Variants in GTF2A1L observed in about 807,000 individuals in gnomAD.
GTF2A1L encodes the protein general transcription factor IIA subunit 1 like.
In GTF2A1L, 48 loss-of-function variants were observed where a neutral mutation model predicts 49.7. That is an observed-to-expected ratio of 0.97 (90% CI 0.77 to 1.23). The LOEUF is 1.23. Among genes scored for constraint, GTF2A1L ranks in the 50% most tolerant of loss-of-function variants. GTF2A1L has a pLI of 0.00. For missense variants in GTF2A1L, 736 were observed against 564.8 expected, an observed-to-expected ratio of 1.30 and a Z score of -3.07; for synonymous variants, 246 against 193.5, an observed-to-expected ratio of 1.27 and a Z score of -2.25.
chr2:48,652,983 A>G (rs1327626498), intron 6 of GTF2A1L, among the ~76,000 whole-genome samples: 1 of 152,042 alleles, frequency 6.6e-6, no homozygotes, highest in Non-Finnish European at 1.5e-5. Context: ...TAATCCCAGC[A>G]CTTTGGGAGG....
intron 3 of GTF2A1L, among the ~76,000 whole-genome samples, chr2:48,636,383 T>G (rs1676888646): frequency 6.6e-6 from 1 of 152,266 alleles, no homozygotes; most frequent in Non-Finnish European, 1.5e-5. Flanking sequence ...GCAAAGGACT[T>G]TCTTACCTTA....
intron 6 of GTF2A1L, 121 bp downstream of exon 6, chr2:48,647,163 A>G (rs940526116): frequency 5.0e-5 from 48 of 955,898 alleles, no homozygotes; most frequent in African/African-American, 3.4e-5. Context: ...TTTTTTCTTT[A>G]GAAGATTATT....
At chr2:48,653,017 C>T (rs898608674) in intron 6 of GTF2A1L, among the ~76,000 whole-genome samples, 3 of 151,760 alleles carry the variant, frequency 2.0e-5, no homozygotes, top group Admixed American at 6.6e-5. Flanking sequence ...ATCACAAGGT[C>T]AGGAGATCAA....
intron 8 of GTF2A1L, among the ~76,000 whole-genome samples, chr2:48,675,272 T>C (rs900268685): frequency 6.6e-6 from 1 of 152,174 alleles, no homozygotes; most frequent in Non-Finnish European, 1.5e-5. Context: ...CTATTACAAA[T>C]GCAGAATCCT....
intron 6 of GTF2A1L, among the ~76,000 whole-genome samples, chr2:48,652,444 C>T (rs1324541801): frequency 2.0e-5 from 3 of 151,728 alleles, no homozygotes; most frequent in Non-Finnish European, 2.9e-5. Context: ...GGTGAAAACT[C>T]GTCTCTACTA....
chr2:48,643,433 C>T (rs1677313872), intron 4 of GTF2A1L, among the ~76,000 whole-genome samples: 1 of 152,102 alleles, frequency 6.6e-6, no homozygotes, highest in South Asian at 2.1e-4. Flanking sequence ...CTAGTTATTT[C>T]CATTTCTTCA....
intron 6 of GTF2A1L, among the ~76,000 whole-genome samples, chr2:48,668,867 C>A (rs906247033): frequency 1.4e-5 from 2 of 143,778 alleles, no homozygotes; most frequent in African/African-American, 5.8e-5. Context: ...TAAATAAATA[C>A]ACAAATAAAT....
At chr2:48,653,960 C>T (rs1384541187) in intron 6 of GTF2A1L, among the ~76,000 whole-genome samples, 1 of 131,598 alleles carries the variant, frequency 7.6e-6, no homozygotes, top group Non-Finnish European at 1.6e-5. Context: ...GCCCCGAAAA[C>T]ATTTATATGT....
At chr2:48,648,703 C>G (rs543156668) in intron 6 of GTF2A1L, among the ~76,000 whole-genome samples, 1 of 152,068 alleles carries the variant, frequency 6.6e-6, no homozygotes, top group Non-Finnish European at 1.5e-5. Flanking sequence ...AAGCTTCTGG[C>G]ACCATAGTAA....
At chr2:48,640,284 A>G (rs983814883) in intron 3 of GTF2A1L, among the ~76,000 whole-genome samples, 2 of 152,244 alleles carry the variant, frequency 1.3e-5, no homozygotes, top group African/African-American at 4.8e-5. Context: ...AAGACAGGGA[A>G]TCAACCTAAA....
intron 1 of GTF2A1L, among the ~76,000 whole-genome samples, 192 bp from the exon 2 acceptor site, chr2:48,620,659 C>T (rs1021095483): frequency 1.6e-4 from 25 of 152,132 alleles, no homozygotes; most frequent in African/African-American, 5.6e-4. Flanking sequence ...CACCTGTAAT[C>T]GCACCTACTC....
At position 48,646,917 on chromosome 2, in the gene GTF2A1L, G is replaced by A. The variant is rs767424757; in HGVS notation, c.853G>A (p.Gly285Arg). The change falls in exon 6 of 9, where the codon GGG (glycine) becomes AGG (arginine). Residue 285 changes from glycine (G) to arginine (R), a missense_variant. Gly to Arg is a moderately radical substitution (Grantham distance 125, BLOSUM62 -2). Transcript: ENST00000403751. ...TGAGTCCCTCTCCACAAGCCCTCAT[G>A]GGGCTCTCCACCAGCACGTGACTGA... ...HDESLSTSPH[G>R]ALHQHVTDIQ... The A allele has an allele frequency of 6.2e-7, 1 of 1,614,118 alleles. No individual in the cohort carries two copies. Among genetic ancestry groups the A allele is most frequent in the Non-Finnish European group, 8.5e-7 (1 of 1,180,030 alleles).
At chr2:48,620,136 G>C (rs1364997581) in intron 1 of GTF2A1L, among the ~76,000 whole-genome samples, 1 of 152,064 alleles carries the variant, frequency 6.6e-6, no homozygotes, top group Non-Finnish European at 1.5e-5. Context: ...TTCTCCTTTG[G>C]CCACTTTGAT....
chr2:48,620,989 G>A (rs746894470), intron 2 of GTF2A1L, 37 bp downstream of exon 2: 3 of 1,586,642 alleles, frequency 1.9e-6, no homozygotes, highest in Non-Finnish European at 2.6e-6. Context: ...CCTGTCTTTT[G>A]TTGTTTTTTT....
At chr2:48,648,989 C>T (rs1677695937) in intron 6 of GTF2A1L, among the ~76,000 whole-genome samples, 1 of 152,090 alleles carries the variant, frequency 6.6e-6, no homozygotes, top group Non-Finnish European at 1.5e-5. Flanking sequence ...TACTTGTTTA[C>T]TTTTCCTGTG....
chr2:48,639,905 T>C (rs1286996156), intron 3 of GTF2A1L, among the ~76,000 whole-genome samples: 1 of 152,190 alleles, frequency 6.6e-6, no homozygotes, highest in Non-Finnish European at 1.5e-5. Context: ...CAGACACTTT[T>C]CAAAAGAAGA....
intron 3 of GTF2A1L, 165 bp downstream of exon 3, chr2:48,621,455 A>G: frequency 1.1e-6 from 1 of 917,142 alleles, no homozygotes; most frequent in South Asian, 3.4e-5. Context: ...CCATGTAATT[A>G]TTGATTAAAA....
Position 48,627,019 on chromosome 2 carries a change from A to G in GTF2A1L, c.247+5729A>G, listed in dbSNP as rs1428631901. 2.1e-5 allele frequency among the ~76,000 whole-genome samples: 3 copies of G among 143,146 alleles called. 1 individual carries two copies. Among genetic ancestry groups the G allele is most frequent in the African/African-American group, 7.4e-5 (3 of 40,270 alleles). The allele number at this position is 143,146 out of a possible 152,430, so 93.9% of individuals were successfully genotyped here. ...ACTTTACTGAGTTCATCCTCTTTAA[A>G]TATTTGGTAGAATTCAGCCATGAAG... On this transcript the variant is annotated intron_variant, in intron 3 of 8. Coordinates refer to ENST00000403751, the MANE Select transcript of GTF2A1L (RefSeq NM_006872.5).
At chr2:48,647,307 ATTCT>A (rs1368634273) in intron 6 of GTF2A1L, among the ~76,000 whole-genome samples, 6 of 152,286 alleles carry the variant, frequency 3.9e-5, no homozygotes, top group Admixed American at 2.0e-4. Context: ...AACCAAGAAG[ATTCT>A]TTCTTTATTG....
Sources: allele counts gnomAD v4.1 joint callset (sites outside exome capture counted in the v4.1 genomes callset), GRCh38; gene constraint gnomAD v4.1.1; transcripts MANE v1.5; gene names NCBI Gene and HGNC (gene_info 2026-07-23, HGNC 2026-07-21).